The following SAMD5 variants were observed in gnomAD, a reference collection of about 807,000 sequenced individuals.
SAMD5 encodes sterile alpha motif domain containing 5.
Under a neutral mutation model 11.3 loss-of-function variants are expected in SAMD5, and 13 were observed. The ratio of observed to expected loss-of-function variants is 1.15; its 90% confidence interval spans 0.75 to 1.83. The LOEUF is 1.83. Ranked by LOEUF, SAMD5 falls within the 40% of genes most tolerant of loss-of-function variation. SAMD5 has a pLI of 0.00. For missense variants in SAMD5, 255 were observed against 239.1 expected (o/e 1.07, Z -0.44); for synonymous variants, 129 against 111.3 (o/e 1.16, Z -1.00).
the SAMD5 span, among the ~76,000 whole-genome samples, chr6:147,824,369 G>A: frequency 6.6e-6 from 1 of 152,124 alleles, no homozygotes; most frequent in Admixed American, 6.5e-5. Flanking sequence ...GTTTTTAAAC[G>A]ATGAGTTCAA....
chr6:147,850,599 A>G, the SAMD5 span, among the ~76,000 whole-genome samples: 1 of 152,202 alleles, frequency 6.6e-6, no homozygotes, highest in Non-Finnish European at 1.5e-5. Context: ...TTTAATTACA[A>G]TAGTCCCCTA....
intron 1 of SAMD5, among the ~76,000 whole-genome samples, chr6:147,685,096 G>T (rs1006480188): frequency 6.6e-6 from 1 of 152,152 alleles, no homozygotes; most frequent in African/African-American, 2.4e-5. Flanking sequence ...TTGGCAAATT[G>T]TCATACTCCT....
intron 1 of SAMD5, among the ~76,000 whole-genome samples, chr6:147,703,073 T>G (rs1791276841): frequency 6.6e-6 from 1 of 152,082 alleles, no homozygotes; most frequent in Admixed American, 6.5e-5. Flanking sequence ...TTTTTTGTTT[T>G]GTTTTGTTTT....
the SAMD5 span, among the ~76,000 whole-genome samples, chr6:147,801,873 G>A: frequency 1.3e-4 from 20 of 152,220 alleles, no homozygotes; most frequent in East Asian, 3.3e-3. Context: ...TAGGGAAAAA[G>A]GAACCTTGAC....
chr6:147,753,752 G>A, the SAMD5 span, among the ~76,000 whole-genome samples: 1 of 148,148 alleles, frequency 6.8e-6, no homozygotes, highest in Non-Finnish European at 1.5e-5. Flanking sequence ...TACTCTCTAT[G>A]TCCATGAGTT....
chr6:147,755,554 T>C, the SAMD5 span, among the ~76,000 whole-genome samples: 1 of 152,154 alleles, frequency 6.6e-6, no homozygotes, highest in South Asian at 2.1e-4. Context: ...AACCATTATC[T>C]TCTAACTGTG....
At chr6:147,764,504 C>T in the SAMD5 span, among the ~76,000 whole-genome samples, 18 of 152,208 alleles carry the variant, frequency 1.2e-4, no homozygotes, top group African/African-American at 2.9e-4. Flanking sequence ...AACATTTAAC[C>T]CTCAGTGTAA....
chr6:147,524,609 C>T (rs1210920043), intron 1 of SAMD5, among the ~76,000 whole-genome samples: 2 of 151,946 alleles, frequency 1.3e-5, no homozygotes, highest in African/African-American at 4.8e-5. Flanking sequence ...ACATCTGGAG[C>T]GGACTTCTCT....
chr6:147,743,352 A>G, the SAMD5 span: 1 of 152,234 alleles, frequency 6.6e-6, no homozygotes, highest in African/African-American at 2.4e-5. Context: ...CTAAAAATAC[A>G]AAAAATCAGC....
In SAMD5 at chr6:147,556,093, TA is replaced by T. The variant is rs1267880746; in HGVS notation, c.460-8300del. 3.3e-5 allele frequency among the ~76,000 whole-genome samples: 5 copies of T among 152,060 alleles called. No individual in the cohort carries two copies. The South Asian group carries it at 1.0e-3, about 32-fold the overall frequency. ...TATGTAATGCATTTACTAGTGTTATTATTATTTTTTTTTTTTTGAGATGGAG... is the reference window on the plus strand; with the variant it reads ...TATGTAATGCATTTACTAGTGTTATTTTATTTTTTTTTTTTTGAGATGGAG... On this transcript the variant is annotated intron_variant, in intron 1 of 1. Transcript: ENST00000367474.
the SAMD5 span, among the ~76,000 whole-genome samples, chr6:147,947,182 A>T: frequency 6.6e-6 from 1 of 152,160 alleles, no homozygotes. Flanking sequence ...ATTCCTGCTA[A>T]CATTTTCCCC....
chr6:147,854,219 T>C, the SAMD5 span, among the ~76,000 whole-genome samples: 1 of 152,070 alleles, frequency 6.6e-6, no homozygotes, highest in Non-Finnish European at 1.5e-5. Flanking sequence ...ACAAAGAGGC[T>C]TGACACAATC....
At chr6:147,907,724 T>G in the SAMD5 span, among the ~76,000 whole-genome samples, 1 of 152,170 alleles carries the variant, frequency 6.6e-6, no homozygotes, top group African/African-American at 2.4e-5. Context: ...AGTTTTTCCT[T>G]TGACTAAGGC....
chr6:147,573,716 A>G (rs7743538), downstream of SAMD5, among the ~76,000 whole-genome samples: 2,492 of 152,310 alleles, frequency 0.016, 69 homozygotes, highest in African/African-American at 0.056. Flanking sequence ...TTTGTATTGG[A>G]GGAACACAAG....
chr6:147,779,863 A>G, the SAMD5 span, among the ~76,000 whole-genome samples: 1,568 of 152,360 alleles, frequency 0.01, 36 homozygotes, highest in African/African-American at 0.035. Flanking sequence ...CAAAAGGAAT[A>G]TAAGGCTCTC....
the SAMD5 span, among the ~76,000 whole-genome samples, chr6:147,840,207 G>C: frequency 6.6e-6 from 1 of 152,204 alleles, no homozygotes; most frequent in African/African-American, 2.4e-5. Flanking sequence ...ACACCCTCTA[G>C]AGAAGGCTGG....
chr6:147,929,529 T>G, the SAMD5 span, among the ~76,000 whole-genome samples: 2 of 152,086 alleles, frequency 1.3e-5, no homozygotes, highest in African/African-American at 4.8e-5. Flanking sequence ...AAAACCAAAC[T>G]AAAACTTACC....
the SAMD5 span, among the ~76,000 whole-genome samples, chr6:147,941,737 A>G: frequency 2.0e-5 from 3 of 151,962 alleles, no homozygotes; most frequent in Admixed American, 2.0e-4. Context: ...ATTTTAAAAC[A>G]GAAACCTACA....
chr6:147,791,574 T>C, the SAMD5 span, among the ~76,000 whole-genome samples: 203 of 152,280 alleles, frequency 1.3e-3, 2 homozygotes, highest in East Asian at 0.017. Context: ...TGAGTATTTA[T>C]GCATGCAAAA....
Sources: allele counts gnomAD v4.1 joint callset (sites outside exome capture counted in the v4.1 genomes callset), GRCh38; gene constraint gnomAD v4.1.1; transcripts MANE v1.5; gene names NCBI Gene and HGNC (gene_info 2026-07-23, HGNC 2026-07-21).